Variants in NT5DC3 observed in about 807,000 individuals in gnomAD.
The protein encoded by NT5DC3 is 5'-nucleotidase domain containing 3.
In NT5DC3, 42 loss-of-function variants were observed where a neutral mutation model predicts 67.8. The ratio of observed to expected loss-of-function variants is 0.62; its 90% CI spans 0.48 to 0.80. NT5DC3 has a LOEUF of 0.80. NT5DC3 is among the 30% of genes least tolerant of loss of function. The probability of loss-of-function intolerance (pLI) is 0.00; values close to 1 mark genes in which losing one functional copy is unlikely to be tolerated. For synonymous variants in NT5DC3, 237 were observed against 255.6 expected (o/e 0.93, Z 0.69); for missense variants, 570 against 696.4 (o/e 0.82, Z 2.04).
Position 103,776,650 on chromosome 12 carries a change from CA to C in NT5DC3, c.*1178del, listed in dbSNP as rs1885348200. The C allele has an allele frequency of 7.0e-6, 1 of 142,388 alleles. No individual in the cohort carries two copies. Among genetic ancestry groups the C allele is most frequent in the Non-Finnish European group, 1.5e-5 (1 of 66,034 alleles). The allele number at this position is 142,388 out of a possible 1,614,324, so 8.8% of individuals were successfully genotyped here. On this transcript the variant is annotated 3_prime_UTR_variant, in exon 14 of 14. Transcript: ENST00000392876. ...GTCCTTCGCCCTTTCCCATCTTAGA[CA>C]TCTAAAAAAAAACAAAACAAAACAA...
chr12:103,783,072 C>G (rs1885625634), intron 12 of NT5DC3, among the ~76,000 whole-genome samples: 1 of 152,198 alleles, frequency 6.6e-6, no homozygotes, highest in Non-Finnish European at 1.5e-5. Flanking sequence ...AATTTTTCTC[C>G]TCAGAAAACT....
chr12:103,808,655 T>C (rs546225519), intron 2 of NT5DC3, among the ~76,000 whole-genome samples: 7 of 152,282 alleles, frequency 4.6e-5, no homozygotes, highest in Admixed American at 3.9e-4. Flanking sequence ...TTCATGGGCG[T>C]TTCCAAGAAT....
chr12:103,840,438 C>T (rs1165288435), intron 1 of NT5DC3, among the ~76,000 whole-genome samples: 1 of 147,112 alleles, frequency 6.8e-6, no homozygotes, highest in Non-Finnish European at 1.5e-5. Context: ...CCCATTCCAT[C>T]CCATCCCATC....
chr12:103,834,017 A>G (rs1262217660), intron 1 of NT5DC3, among the ~76,000 whole-genome samples: 1 of 152,126 alleles, frequency 6.6e-6, no homozygotes, highest in East Asian at 1.9e-4. Context: ...GAGGCCAGAT[A>G]ATTCTTTGTT....
chr12:103,788,962 G>C, intron 9 of NT5DC3, 43 bp from the exon 10 acceptor site: 1 of 1,254,354 alleles, frequency 8.0e-7, no homozygotes, highest in Non-Finnish European at 1.2e-6. Flanking sequence ...GAGTAGTACA[G>C]GCTGTCTGCT....
chr12:103,766,575 A>ACCTGCTCCATTCTGC, downstream of NT5DC3: 1 of 503,552 alleles, frequency 2.0e-6, no homozygotes. Flanking sequence ...TTCAGCTGGC[A>ACCTGCTCCATTCTGC]CCTGCTCCAT....
chr12:103,806,209 A>G, intron 4 of NT5DC3, 113 bp downstream of exon 4: 1 of 713,220 alleles, frequency 1.4e-6, no homozygotes, highest in Non-Finnish European at 2.5e-6. Context: ...TGAGTGAATG[A>G]ATGAATCATA....
rs539783769 is a variant in NT5DC3, at chr12:103,778,289, G to C, written c.1395-208C>G. ...CTCACATCTGTAATCCCAGCACTTG[G>C]GGAGGCCAAGGCAGGCAGATCACTT... On this transcript the variant is annotated intron_variant, in intron 13 of 13. Coordinates refer to ENST00000392876, the MANE Select transcript of NT5DC3 (RefSeq NM_001031701.3). 4.6e-5 allele frequency among the ~76,000 whole-genome samples: 7 copies of C among 152,096 alleles called. No homozygotes were observed. In the South Asian group the frequency reaches 1.5e-3, roughly 32 times the overall value.
Position 103,806,973 on chromosome 12 carries a change from A to ACTT in NT5DC3, c.394-45_394-44insAAG, listed in dbSNP as rs1295657274. 4.4e-6 allele frequency: 5 copies of ACTT among 1,139,130 alleles called. No individual in the cohort carries two copies. The Admixed American group carries it at 5.1e-5, about 12-fold the overall frequency. 70.6% of individuals were successfully genotyped at this position (1,139,130 alleles called of 1,614,324 possible). On this transcript the variant is annotated intron_variant, in intron 2 of 13. Transcript: ENST00000392876. ...ACTGGTTTTAGCCAACAATGTGCCA[A>ACTT]GTGCAGGATCCTGTCCAGATCTGGC...
chr12:103,776,030 G>A lies in NT5DC3; in HGVS notation c.*1799C>T, dbSNP rs1885328175. Reference sequence around the variant, plus strand: ...ACAAGTTACCGCAAAAGCTTAAAATGAGTTTTAGCAATACTAGATTAGGCT... The same window carrying A: ...ACAAGTTACCGCAAAAGCTTAAAATAAGTTTTAGCAATACTAGATTAGGCT... On this transcript the variant is annotated 3_prime_UTR_variant, in exon 14 of 14. Coordinates refer to ENST00000392876, the MANE Select transcript of NT5DC3 (RefSeq NM_001031701.3). The A allele has an allele frequency of 6.6e-6, 1 of 152,028 alleles. No individual in the cohort carries two copies. Among genetic ancestry groups the A allele is most frequent in the Non-Finnish European group, 1.5e-5 (1 of 68,006 alleles). The allele number at this position is 152,028 out of a possible 1,614,324, so 9.4% of individuals were successfully genotyped here. A position where few individuals can be genotyped will look rare whatever the true frequency, so the allele number is the denominator to read the frequency against.
the NT5DC3 span, among the ~76,000 whole-genome samples, chr12:103,749,967 G>A: frequency 2.0e-5 from 3 of 150,938 alleles, no homozygotes; most frequent in African/African-American, 7.3e-5. Flanking sequence ...GATTGCTTTT[G>A]CATCTTACCT....
rs1004241050 is a variant in NT5DC3, at chr12:103,810,129, T to C, written c.394-3200A>G. The stretch of plus-strand genomic sequence containing the variant: ...ATTGAGAACTGGCGGCCTGGGGTTT[T>C]AGGTCCACCCTACTAGCCCCTGCTA... On this transcript the variant is annotated intron_variant, in intron 2 of 13. Coordinates refer to ENST00000392876, the MANE Select transcript of NT5DC3 (RefSeq NM_001031701.3). Among the ~76,000 whole-genome samples the C allele has an allele frequency of 4.6e-5, 7 of 152,326 alleles. No individual in the cohort carries two copies. In the East Asian group the frequency reaches 1.3e-3, roughly 29 times the overall value.
At chr12:103,758,925 C>T in the NT5DC3 span, among the ~76,000 whole-genome samples, 1 of 152,244 alleles carries the variant, frequency 6.6e-6, no homozygotes, top group Non-Finnish European at 1.5e-5. Context: ...ATACAAATGA[C>T]ATTCAATCCC....
intron 12 of NT5DC3, among the ~76,000 whole-genome samples, chr12:103,784,340 G>A (rs1248546029): frequency 6.6e-6 from 1 of 152,228 alleles, no homozygotes; most frequent in Admixed American, 6.5e-5. Context: ...AGTGCATCCT[G>A]GAAACAAGGC....
chr12:103,806,686 T>C (rs1886814381), intron 3 of NT5DC3, among the ~76,000 whole-genome samples, 169 bp downstream of exon 3: 3 of 152,332 alleles, frequency 2.0e-5, no homozygotes, highest in South Asian at 4.1e-4. Flanking sequence ...TTCTAATACA[T>C]AGTCTCTTCC....
intron 1 of NT5DC3, among the ~76,000 whole-genome samples, chr12:103,830,573 T>C (rs1593440047): frequency 6.6e-6 from 1 of 152,264 alleles, no homozygotes. Flanking sequence ...TCTTTGATTA[T>C]ATTATAGTCT....
chr12:103,775,138 T>C lies in NT5DC3; in HGVS notation c.*2691A>G, dbSNP rs1427722617. On this transcript the variant is annotated 3_prime_UTR_variant, in exon 14 of 14. Transcript: ENST00000392876. The stretch of plus-strand genomic sequence containing the variant: ...ATGGGAATGACTGTGTTCGGCCCCG[T>C]TACCGCCACGACATGGGTCTACAGT... The C allele has an allele frequency of 3.9e-5, 6 of 152,214 alleles. No homozygotes were observed. The highest frequency in any genetic ancestry group is 8.8e-5 in the Non-Finnish European group (6 of 68,052). 9.4% of individuals were successfully genotyped at this position (152,214 alleles called of 1,614,324 possible).
At chr12:103,823,410 C>T (rs1382603885) in intron 1 of NT5DC3, among the ~76,000 whole-genome samples, 1 of 152,058 alleles carries the variant, frequency 6.6e-6, no homozygotes, top group Admixed American at 6.6e-5. Flanking sequence ...ACTATTATAC[C>T]CATTTCACAG....
chr12:103,799,292 T>A (rs1886457617), intron 4 of NT5DC3, among the ~76,000 whole-genome samples: 1 of 152,192 alleles, frequency 6.6e-6, no homozygotes, highest in Non-Finnish European at 1.5e-5. Flanking sequence ...CGTCCCCACC[T>A]AAATCTCATC....
Sources: gnomAD v4.1 joint callset for allele counts (sites outside exome capture counted in the v4.1 genomes callset) on GRCh38, gnomAD v4.1.1 for gene constraint, MANE v1.5 for transcripts, NCBI Gene and HGNC (gene_info 2026-07-23, HGNC 2026-07-21) for gene names.